The following FHAD1 variants were observed in gnomAD, a reference collection of about 807,000 sequenced individuals.
The protein encoded by FHAD1 is forkhead-associated domain-containing protein 1.
A neutral mutation model predicts 191.3 loss-of-function variants in FHAD1; 146 were observed. That is an observed-to-expected ratio of 0.76 (90% CI 0.67 to 0.88). The LOEUF (loss-of-function observed/expected upper bound fraction) is 0.88, where lower values mean the gene tolerates loss of function less well. Ranked by LOEUF, FHAD1 falls within the 40% of genes least tolerant of loss-of-function variation. The probability of loss-of-function intolerance (pLI) is 0.00; values close to 1 mark genes in which losing one functional copy is unlikely to be tolerated. For synonymous variants in FHAD1, 616 were observed against 672.3 expected (o/e 0.92, Z 1.29); for missense variants, 1,635 against 1,785.8 (o/e 0.92, Z 1.52).
At chr1:15,257,327 A>C (rs1435909703) in intron 2 of FHAD1, among the ~76,000 whole-genome samples, 1 of 152,188 alleles carries the variant, frequency 6.6e-6, no homozygotes, top group African/African-American at 2.4e-5. Context: ...AAGAGGCGAA[A>C]CATGGTATCC....
intron 22 of FHAD1, 48 bp from the exon 23 acceptor site, chr1:15,362,594 G>T (rs745997507): frequency 6.5e-5 from 95 of 1,456,598 alleles, no homozygotes; most frequent in Non-Finnish European, 8.2e-5. Context: ...GTAAGCAAAG[G>T]GGAAGGACAG....
intron 20 of FHAD1, among the ~76,000 whole-genome samples, chr1:15,355,076 G>A (rs1208107056): frequency 6.6e-6 from 1 of 152,194 alleles, no homozygotes. Context: ...AGGCATGGTG[G>A]TGCATGCTTG....
chr1:15,322,852 C>G (rs1168556406), intron 10 of FHAD1, among the ~76,000 whole-genome samples: 6 of 152,166 alleles, frequency 3.9e-5, no homozygotes, highest in African/African-American at 7.2e-5. Flanking sequence ...CGTTTTCACA[C>G]CGCTGTTAAA....
chr1:15,296,838 C>T (rs1406522376), intron 5 of FHAD1, 45 bp downstream of exon 5: 5 of 1,465,594 alleles, frequency 3.4e-6, no homozygotes, highest in Non-Finnish European at 4.6e-6. Context: ...GCAGCAAGCG[C>T]ACTGCAAAGG....
intron 2 of FHAD1, among the ~76,000 whole-genome samples, chr1:15,255,215 A>G (rs1167526071): frequency 6.6e-6 from 1 of 152,156 alleles, no homozygotes; most frequent in South Asian, 2.1e-4. Flanking sequence ...GTAGGGAGCT[A>G]TGCTTGTAAA....
chr1:15,266,238 T>C (rs758390025), intron 2 of FHAD1, among the ~76,000 whole-genome samples: 2 of 151,914 alleles, frequency 1.3e-5, no homozygotes, highest in Non-Finnish European at 2.9e-5. Context: ...GCCTCCCAAG[T>C]AGTTAAGGCC....
intron 4 of FHAD1, among the ~76,000 whole-genome samples, chr1:15,292,920 T>C (rs1665392303): frequency 6.6e-6 from 1 of 152,104 alleles, no homozygotes; most frequent in Non-Finnish European, 1.5e-5. Context: ...CAAGACCCCA[T>C]CTCTATTTTT....
At chr1:15,297,568 G>A (rs1446489120) in intron 5 of FHAD1, among the ~76,000 whole-genome samples, 6 of 152,180 alleles carry the variant, frequency 3.9e-5, no homozygotes. Context: ...AGTCAGGTTT[G>A]GATGCTCTGT....
intron 31 of FHAD1, among the ~76,000 whole-genome samples, chr1:15,385,503 C>T (rs1430017909): frequency 6.6e-6 from 1 of 152,186 alleles, no homozygotes; most frequent in Non-Finnish European, 1.5e-5. Context: ...GTCATACTTC[C>T]AGCTGGGCAG....
At chr1:15,300,961 C>T (rs1227737958) in intron 5 of FHAD1, among the ~76,000 whole-genome samples, 1 of 152,164 alleles carries the variant, frequency 6.6e-6, no homozygotes, top group Non-Finnish European at 1.5e-5. Flanking sequence ...TCCCAAGTAG[C>T]TGGGATTACA....
intron 3 of FHAD1, among the ~76,000 whole-genome samples, chr1:15,284,998 C>T (rs893257004): frequency 6.6e-6 from 1 of 152,224 alleles, no homozygotes; most frequent in Non-Finnish European, 1.5e-5. Flanking sequence ...CTAAGCCAGA[C>T]TTGTTGATAA....
Position 15,358,175 on chromosome 1 carries a change from G to A in FHAD1, c.2628G>A (p.Met876Ile). The A allele has an allele frequency of 6.5e-7, 1 of 1,538,348 alleles. No individual in the cohort carries two copies. Among genetic ancestry groups the A allele is most frequent in the Non-Finnish European group, 8.7e-7 (1 of 1,144,110 alleles). ...ATAAATTAAGTGACGCACTGGCCAT[G>A]GTTGAAGAGACTCAGAAAACAAAGG... is the stretch of plus-strand genomic sequence containing the variant. ...LNNKLSDALA[M>I]VEETQKTKAT... Residue 876 changes from methionine (M) to isoleucine (I), a missense_variant, in exon 21 of 34, where the codon ATG becomes ATA. Coordinates refer to ENST00000688493, the MANE Select transcript of FHAD1 (RefSeq NM_001391957.1).
intron 2 of FHAD1, among the ~76,000 whole-genome samples, chr1:15,255,364 G>C (rs1328466927): frequency 6.6e-6 from 1 of 152,170 alleles, no homozygotes; most frequent in Non-Finnish European, 1.5e-5. Context: ...AAAGCAAACT[G>C]TAAAGAAGAA....
At chr1:15,299,219 G>GAAA (rs796954256) in intron 5 of FHAD1, among the ~76,000 whole-genome samples, 38 of 119,510 alleles carry the variant, frequency 3.2e-4, no homozygotes, top group African/African-American at 1.4e-3. Context: ...AAAAAAAAAG[G>GAAA]AAAAAAAAAA....
intron 6 of FHAD1, 67 bp downstream of exon 6, chr1:15,301,508 A>G: frequency 7.0e-7 from 1 of 1,421,892 alleles, no homozygotes; most frequent in Non-Finnish European, 9.6e-7. Flanking sequence ...AGGACCACCA[A>G]CCAAGGTGAG....
intron 10 of FHAD1, among the ~76,000 whole-genome samples, chr1:15,323,111 G>T (rs770715814): frequency 1.3e-5 from 2 of 152,156 alleles, no homozygotes; most frequent in Non-Finnish European, 2.9e-5. Flanking sequence ...CCTGGGTCCC[G>T]CCCACAACAC....
chr1:15,256,616 C>T, intron 2 of FHAD1, among the ~76,000 whole-genome samples: 1 of 137,232 alleles, frequency 7.3e-6, no homozygotes, highest in East Asian at 2.1e-4. Context: ...CACTGCACTC[C>T]AGCCTGGGCC....
At chr1:15,238,770 T>C (rs887419716) in intron 1 of FHAD1, among the ~76,000 whole-genome samples, 4 of 152,176 alleles carry the variant, frequency 2.6e-5, no homozygotes, top group Non-Finnish European at 5.9e-5. Flanking sequence ...TGGGGAGAAG[T>C]CTGGTTAAGG....
At chr1:15,361,210 A>G (rs1323821876) in intron 22 of FHAD1, among the ~76,000 whole-genome samples, 1 of 152,184 alleles carries the variant, frequency 6.6e-6, no homozygotes, top group Non-Finnish European at 1.5e-5. Context: ...AAGCTCTTGA[A>G]GAAAGTTCTG....
Sources: allele counts gnomAD v4.1 joint callset (sites outside exome capture counted in the v4.1 genomes callset), GRCh38; gene constraint gnomAD v4.1.1; transcripts MANE v1.5; gene names NCBI Gene and HGNC (gene_info 2026-07-23, HGNC 2026-07-21).